MAGI2: variants seen among roughly 807,000 people sequenced by gnomAD.
MAGI2 encodes membrane-associated guanylate kinase, WW and PDZ domain-containing protein 2.
In MAGI2, 35 loss-of-function variants were observed where a neutral mutation model predicts 133.3. The ratio of observed to expected loss-of-function variants is 0.26; its 90% confidence interval spans 0.20 to 0.35. MAGI2 has a LOEUF of 0.35. Ranked by LOEUF, MAGI2 falls within the 10% of genes least tolerant of loss-of-function variation. MAGI2 has a pLI of 1.00. For missense variants in MAGI2, 1,636 were observed against 1,863.4 expected (o/e 0.88, Z 2.25); for synonymous variants, 729 against 710.6 (o/e 1.03, Z -0.41).
Position 78,075,316 on chromosome 7 carries a change from C to T in MAGI2, c.3706+3631G>A, listed in dbSNP as rs542468198. ...CCTGCATGTGGATTCCTCCAGACCC[C>T]GCCTGTGTCTTTTCCCTTGTGAGCC... On this transcript the variant is annotated intron_variant, in intron 21 of 21. Transcript: ENST00000354212. Among the ~76,000 whole-genome samples the T allele has an allele frequency of 1.5e-4, 23 of 152,090 alleles. No homozygotes were observed. In the South Asian group the frequency reaches 3.5e-3, roughly 23 times the overall value.
intron 6 of MAGI2, among the ~76,000 whole-genome samples, chr7:78,467,562 G>A (rs1334728161): frequency 1.3e-5 from 2 of 151,590 alleles, no homozygotes; most frequent in Non-Finnish European, 2.9e-5. Flanking sequence ...GGTATTATTG[G>A]CAGAGTGATA....
chr7:79,380,601 C>T (rs1335920023), intron 1 of MAGI2, among the ~76,000 whole-genome samples: 1 of 151,642 alleles, frequency 6.6e-6, no homozygotes, highest in Non-Finnish European at 1.5e-5. Context: ...GAATTTGAAG[C>T]CTAGTTCTGA....
At position 79,009,619 on chromosome 7, in the gene MAGI2, T is replaced by C. The variant is rs184036335; in HGVS notation, c.302-2413A>G. 1.6e-3 allele frequency among the ~76,000 whole-genome samples: 248 copies of C among 152,308 alleles called. 1 individual carries two copies. The highest frequency in any genetic ancestry group is 5.7e-3 in the African/African-American group (236 of 41,574). On this transcript the variant is annotated intron_variant, in intron 1 of 21. Transcript: ENST00000354212. ...TTTTAAAAGAGCTCTGATTTAGTTT[T>C]GGGCAGAAACCTGCTGAGCCTCAGG... is the stretch of plus-strand genomic sequence containing the variant.
chr7:78,536,632 CTT>C (rs1797957858), intron 3 of MAGI2, among the ~76,000 whole-genome samples: 1 of 152,028 alleles, frequency 6.6e-6, no homozygotes, highest in African/African-American at 2.4e-5. Context: ...AACTGGAAGA[CTT>C]TTTCTTGATG....
intron 1 of MAGI2, among the ~76,000 whole-genome samples, chr7:79,356,810 C>T (rs1024932278): frequency 2.0e-5 from 3 of 152,162 alleles, no homozygotes; most frequent in African/African-American, 7.2e-5. Context: ...ATACTAGACA[C>T]ATCACTGTGG....
At position 79,453,144 on chromosome 7, in the gene MAGI2, T is replaced by C. The variant is rs373785355; in HGVS notation, c.177A>G (p.Lys59=). 1 of 1,613,736 alleles carries C rather than the reference T, an allele frequency of 6.2e-7. No homozygotes were observed. The highest frequency in any genetic ancestry group is 1.3e-5 in the African/African-American group (1 of 74,848). ...CCAGCAGCAGCTCCTCCGACACCAATTTGCTGCCGCTCTCATAGGCCACCT... is the reference window on the plus strand; with the variant it reads ...CCAGCAGCAGCTCCTCCGACACCAACTTGCTGCCGCTCTCATAGGCCACCT... ...PGKVAYESGS[K]LVSEELLLEV... The change falls in exon 1 of 22, where the codon AAA becomes AAG. Residue 59 remains lysine, a synonymous_variant. Coordinates refer to ENST00000354212, the MANE Select transcript of MAGI2 (RefSeq NM_012301.4).
intron 2 of MAGI2, among the ~76,000 whole-genome samples, chr7:78,771,750 G>A (rs778681915): frequency 1.3e-5 from 2 of 151,614 alleles, no homozygotes; most frequent in Non-Finnish European, 2.9e-5. Context: ...AAGGACCATT[G>A]TAAAAGACAA....
chr7:78,314,821 T>A (rs923578836), intron 9 of MAGI2, among the ~76,000 whole-genome samples: 1 of 152,228 alleles, frequency 6.6e-6, no homozygotes. Flanking sequence ...TAAAATTAGC[T>A]GACCATACCT....
intron 2 of MAGI2, among the ~76,000 whole-genome samples, chr7:78,931,487 C>G (rs141324191): frequency 6.6e-6 from 1 of 152,200 alleles, no homozygotes; most frequent in East Asian, 1.9e-4. Context: ...GACAGTGGGA[C>G]TTCTCTGAAT....
At chr7:78,855,027 G>A (rs1023279992) in intron 2 of MAGI2, among the ~76,000 whole-genome samples, 38 of 148,668 alleles carry the variant, frequency 2.6e-4, no homozygotes, top group South Asian at 4.2e-4. Context: ...AAATTTTTCT[G>A]TTTTTTTTTT....
At chr7:78,633,301 G>A (rs1006805509) in intron 2 of MAGI2, among the ~76,000 whole-genome samples, 6 of 152,140 alleles carry the variant, frequency 3.9e-5, no homozygotes, top group African/African-American at 1.4e-4. Flanking sequence ...ATTGGGTACT[G>A]GGCTTAGTAC....
chr7:78,625,039 T>C (rs1464128454), intron 3 of MAGI2, among the ~76,000 whole-genome samples: 3 of 152,050 alleles, frequency 2.0e-5, no homozygotes, highest in African/African-American at 7.2e-5. Context: ...GACCTTCCAG[T>C]GGGACAAGAT....
At chr7:78,137,938 G>C (rs571001481) in intron 16 of MAGI2, among the ~76,000 whole-genome samples, 103 of 152,040 alleles carry the variant, frequency 6.8e-4, no homozygotes, top group African/African-American at 2.3e-3. Flanking sequence ...TAATATATGT[G>C]TGTATATATA....
At chr7:78,457,782 G>A (rs1277855629) in intron 6 of MAGI2, among the ~76,000 whole-genome samples, 3 of 152,064 alleles carry the variant, frequency 2.0e-5, no homozygotes, top group Non-Finnish European at 4.4e-5. Context: ...GATGTAAATT[G>A]TCCCAGGGCA....
At chr7:78,380,800 G>A (rs1177226814) in intron 6 of MAGI2, among the ~76,000 whole-genome samples, 2 of 152,074 alleles carry the variant, frequency 1.3e-5, no homozygotes, top group South Asian at 2.1e-4. Context: ...TTATCCTCAC[G>A]AGATTATTAT....
At chr7:79,190,798 A>G in intron 1 of MAGI2, among the ~76,000 whole-genome samples, 1 of 151,842 alleles carries the variant, frequency 6.6e-6, no homozygotes. Flanking sequence ...ATATTTTAGT[A>G]TACACTAGTC....
At chr7:78,699,574 C>A (rs1817859750) in intron 2 of MAGI2, among the ~76,000 whole-genome samples, 1 of 152,060 alleles carries the variant, frequency 6.6e-6, no homozygotes, top group African/African-American at 2.4e-5. Flanking sequence ...ATTCCAAGAT[C>A]TCAAATACTT....
chr7:78,979,780 G>A (rs1289259132), intron 2 of MAGI2, among the ~76,000 whole-genome samples: 4 of 151,714 alleles, frequency 2.6e-5, no homozygotes, highest in Non-Finnish European at 5.9e-5. Context: ...TTGAATAGGT[G>A]GTAATTCACA....
chr7:78,663,188 T>C (rs966479734), intron 2 of MAGI2, among the ~76,000 whole-genome samples: 2 of 150,982 alleles, frequency 1.3e-5, no homozygotes, highest in Admixed American at 6.7e-5. Flanking sequence ...GCCAAGATTT[T>C]ATTTGTACCA....
Sources: allele counts gnomAD v4.1 joint callset (sites outside exome capture counted in the v4.1 genomes callset), GRCh38; gene constraint gnomAD v4.1.1; transcripts MANE v1.5; gene names NCBI Gene and HGNC (gene_info 2026-07-23, HGNC 2026-07-21).